The following PDZRN4 variants were observed in gnomAD, a reference collection of about 807,000 sequenced individuals.
PDZRN4 encodes the protein PDZ domain containing ring finger 4.
In PDZRN4, 70 loss-of-function variants were observed where a neutral mutation model predicts 99.0. The observed-to-expected ratio is 0.71, with a 90% CI of 0.58 to 0.86. PDZRN4 has a LOEUF of 0.86. PDZRN4 is among the 40% of genes least tolerant of loss of function. The pLI is 0.00. For missense variants in PDZRN4, 1,474 were observed against 1,331.2 expected, an observed-to-expected ratio of 1.11 and a Z score of -1.67; for synonymous variants, 551 against 501.6, an observed-to-expected ratio of 1.10 and a Z score of -1.32.
intron 3 of PDZRN4, among the ~76,000 whole-genome samples, chr12:41,368,160 C>A (rs963269472): frequency 1.3e-5 from 2 of 152,038 alleles, no homozygotes; most frequent in African/African-American, 4.8e-5. Context: ...TCACCATTTG[C>A]CTGCCTTTAC....
At chr12:41,447,923 A>T (rs1274285858) in intron 3 of PDZRN4, among the ~76,000 whole-genome samples, 2 of 152,162 alleles carry the variant, frequency 1.3e-5, no homozygotes, top group Non-Finnish European at 2.9e-5. Flanking sequence ...GGAGGAGAGG[A>T]AGGGAAGAAA....
At chr12:41,194,915 A>G (rs990535246) in intron 3 of PDZRN4, among the ~76,000 whole-genome samples, 2 of 152,110 alleles carry the variant, frequency 1.3e-5, no homozygotes, top group Non-Finnish European at 2.9e-5. Context: ...TTATATGTAG[A>G]GTTTGGAATA....
chr12:41,553,101 A>G (rs1939086533), intron 6 of PDZRN4, among the ~76,000 whole-genome samples: 1 of 152,200 alleles, frequency 6.6e-6, no homozygotes, highest in African/African-American at 2.4e-5. Context: ...TGTGTCTTTT[A>G]TGAGTTCTAT....
At chr12:41,335,256 T>C (rs1951765403) in intron 3 of PDZRN4, among the ~76,000 whole-genome samples, 1 of 151,708 alleles carries the variant, frequency 6.6e-6, no homozygotes, top group Non-Finnish European at 1.5e-5. Context: ...TTTTTCTTTT[T>C]ATTTATTTAT....
chr12:41,203,245 C>G (rs2120670973), intron 3 of PDZRN4, among the ~76,000 whole-genome samples: 1 of 151,968 alleles, frequency 6.6e-6, no homozygotes, highest in East Asian at 1.9e-4. Context: ...AAAACAACAA[C>G]AACAAAAGGA....
intron 3 of PDZRN4, among the ~76,000 whole-genome samples, chr12:41,419,398 C>T (rs955266170): frequency 1.4e-4 from 21 of 152,096 alleles, no homozygotes. Context: ...TTAGAACAGA[C>T]CCAAGTGCCC....
chr12:41,491,003 A>G (rs1030373285), intron 3 of PDZRN4, among the ~76,000 whole-genome samples: 6 of 152,172 alleles, frequency 3.9e-5, no homozygotes, highest in African/African-American at 1.4e-4. Flanking sequence ...GAACATTTCA[A>G]GGCAAGCATG....
chr12:41,565,966 C>T (rs556566107), intron 8 of PDZRN4, among the ~76,000 whole-genome samples: 13 of 152,212 alleles, frequency 8.5e-5, no homozygotes, highest in South Asian at 8.3e-4. Context: ...CTGTCTCTGC[C>T]GTTACATTAG....
At chr12:41,324,820 C>A (rs1951700529) in intron 3 of PDZRN4, among the ~76,000 whole-genome samples, 1 of 152,008 alleles carries the variant, frequency 6.6e-6, no homozygotes, top group Non-Finnish European at 1.5e-5. Context: ...AATACCTTAT[C>A]AATTTTTATA....
At chr12:41,383,340 T>C (rs893909554) in intron 3 of PDZRN4, among the ~76,000 whole-genome samples, 10 of 152,148 alleles carry the variant, frequency 6.6e-5, no homozygotes, top group African/African-American at 2.4e-4. Flanking sequence ...AGGCAGAAAA[T>C]CCGAAAAGAA....
intron 5 of PDZRN4, among the ~76,000 whole-genome samples, chr12:41,527,399 G>T (rs1938587047): frequency 6.6e-6 from 1 of 152,158 alleles, no homozygotes. Flanking sequence ...ATTAGAAGAA[G>T]TGTGATGGAG....
At chr12:41,373,464 A>T (rs987111195) in intron 3 of PDZRN4, among the ~76,000 whole-genome samples, 1 of 151,998 alleles carries the variant, frequency 6.6e-6, no homozygotes, top group Non-Finnish European at 1.5e-5. Flanking sequence ...TTTCTCAGGG[A>T]TGTTCCTCAC....
intron 3 of PDZRN4, among the ~76,000 whole-genome samples, chr12:41,265,078 T>C (rs1951267379): frequency 6.6e-6 from 1 of 151,634 alleles, no homozygotes; most frequent in South Asian, 2.1e-4. Flanking sequence ...CCTGCACATG[T>C]ACCCCCCAAA....
intron 3 of PDZRN4, among the ~76,000 whole-genome samples, chr12:41,402,741 A>G (rs1952313121): frequency 6.8e-6 from 1 of 147,150 alleles, no homozygotes. Context: ...ATTTTTACTT[A>G]TGATTGATTA....
intron 9 of PDZRN4, among the ~76,000 whole-genome samples, chr12:41,569,398 G>A (rs1027002476): frequency 6.6e-6 from 1 of 151,938 alleles, no homozygotes; most frequent in Non-Finnish European, 1.5e-5. Context: ...GGGATTACAG[G>A]ATCCCACCAC....
chr12:41,561,229 T>C (rs556372082), intron 7 of PDZRN4, among the ~76,000 whole-genome samples: 123 of 152,322 alleles, frequency 8.1e-4, no homozygotes, highest in African/African-American at 2.9e-3. Flanking sequence ...CTACTATGCA[T>C]TTAATAACCT....
chr12:41,310,417 C>G (rs1241371430), intron 3 of PDZRN4, among the ~76,000 whole-genome samples: 1 of 152,102 alleles, frequency 6.6e-6, no homozygotes, highest in East Asian at 1.9e-4. Context: ...TAACTTCATC[C>G]TCCTTTTTTT....
chr12:41,565,817 C>T (rs1238979147), intron 8 of PDZRN4, among the ~76,000 whole-genome samples: 1 of 152,144 alleles, frequency 6.6e-6, no homozygotes, highest in East Asian at 1.9e-4. Flanking sequence ...CTCATAAGAA[C>T]TTGTAGCCAC....
intron 3 of PDZRN4, among the ~76,000 whole-genome samples, chr12:41,206,313 G>T (rs1170240100): frequency 3.3e-5 from 5 of 151,878 alleles, no homozygotes; most frequent in African/African-American, 7.2e-5. Flanking sequence ...CAGTGTCTTA[G>T]AGTTTCCATT....
Sources: gnomAD v4.1 joint callset for allele counts (sites outside exome capture counted in the v4.1 genomes callset) on GRCh38, gnomAD v4.1.1 for gene constraint, MANE v1.5 for transcripts, NCBI Gene and HGNC (gene_info 2026-07-23, HGNC 2026-07-21) for gene names.